CEMIP: variants seen among roughly 807,000 people sequenced by gnomAD.
CEMIP encodes the protein cell migration inducing hyaluronidase 1.
In CEMIP, 105 loss-of-function variants were observed where a neutral mutation model predicts 156.9. The observed-to-expected ratio is 0.67, with a 90% CI of 0.57 to 0.79. The LOEUF (loss-of-function observed/expected upper bound fraction) is 0.79, where lower values mean the gene tolerates loss of function less well. Among genes scored for constraint, CEMIP ranks in the 30% least tolerant of loss-of-function variants. The probability of loss-of-function intolerance (pLI) is 0.00; values close to 1 mark genes in which losing one functional copy is unlikely to be tolerated. For missense variants in CEMIP, 1,457 were observed against 1,769.4 expected (o/e 0.82, Z 3.17); for synonymous variants, 676 against 668.4 (o/e 1.01, Z -0.17).
intron 14 of CEMIP, among the ~76,000 whole-genome samples, chr15:80,911,328 G>C (rs1406102492): frequency 1.3e-5 from 2 of 152,216 alleles, no homozygotes; most frequent in Non-Finnish European, 2.9e-5. Flanking sequence ...AATTGGTTAG[G>C]AAAGATAACA....
chr15:80,842,635 G>A (rs960854523), intron 1 of CEMIP, among the ~76,000 whole-genome samples: 7 of 152,184 alleles, frequency 4.6e-5, no homozygotes, highest in Non-Finnish European at 7.3e-5. Context: ...GGGAGGCTGA[G>A]GCAGGAGAAT....
intron 12 of CEMIP, among the ~76,000 whole-genome samples, chr15:80,900,133 T>G (rs1346865029): frequency 6.6e-6 from 1 of 152,214 alleles, no homozygotes; most frequent in African/African-American, 2.4e-5. Flanking sequence ...GTTCTCACTT[T>G]GAGCAGGTCC....
intron 1 of CEMIP, among the ~76,000 whole-genome samples, chr15:80,848,948 T>C (rs1209711463): frequency 1.9e-5 from 2 of 106,566 alleles, no homozygotes; most frequent in East Asian, 5.3e-4. Flanking sequence ...GGGATCTCTT[T>C]AGAAATTTTT....
chr15:80,948,288 T>G, intron 29 of CEMIP: 1 of 211,176 alleles, frequency 4.7e-6, no homozygotes, highest in Admixed American at 5.2e-5. Context: ...GGTTTAGAGT[T>G]CTAATCTGGG....
chr15:80,793,752 C>T (rs762197738), intron 1 of CEMIP, among the ~76,000 whole-genome samples: 5 of 152,164 alleles, frequency 3.3e-5, no homozygotes, highest in Non-Finnish European at 5.9e-5. Flanking sequence ...ATCTCCCAGA[C>T]GTGTTGGTCT....
chr15:80,819,430 T>C (rs909475849), intron 1 of CEMIP, among the ~76,000 whole-genome samples: 15 of 152,190 alleles, frequency 9.9e-5, no homozygotes, highest in African/African-American at 3.6e-4. Context: ...TATGTTTGCT[T>C]TAATCAGGAT....
At chr15:80,833,721 T>G (rs1596120430) in intron 1 of CEMIP, among the ~76,000 whole-genome samples, 2 of 148,700 alleles carry the variant, frequency 1.3e-5, no homozygotes, top group South Asian at 4.3e-4. Context: ...CAGGCTGGAG[T>G]GCAGTGGCAT....
chr15:80,836,748 T>C (rs1195762189), intron 1 of CEMIP, among the ~76,000 whole-genome samples: 2 of 151,930 alleles, frequency 1.3e-5, no homozygotes, highest in African/African-American at 4.8e-5. Context: ...TTTGGTCTGG[T>C]GTCAGCTTCC....
intron 21 of CEMIP, among the ~76,000 whole-genome samples, chr15:80,929,583 A>G (rs1222283824): frequency 6.6e-6 from 1 of 152,202 alleles, no homozygotes; most frequent in Admixed American, 6.5e-5. Context: ...GGAGGGTGAC[A>G]AAAGCCGAAG....
chr15:80,850,983 T>C (rs761077457), intron 1 of CEMIP, among the ~76,000 whole-genome samples: 4 of 152,118 alleles, frequency 2.6e-5, no homozygotes, highest in Non-Finnish European at 5.9e-5. Context: ...TGGTACTGAG[T>C]AACTTTCACC....
chr15:80,879,001 G>A (rs1898558025), intron 4 of CEMIP, 134 bp downstream of exon 4: 15 of 1,161,082 alleles, frequency 1.3e-5, no homozygotes, highest in East Asian at 2.4e-5. Context: ...GCATTTGGTT[G>A]TCTGAGATAA....
chr15:80,815,120 A>G (rs1896761436), intron 1 of CEMIP, among the ~76,000 whole-genome samples: 1 of 152,262 alleles, frequency 6.6e-6, no homozygotes, highest in Admixed American at 6.5e-5. Flanking sequence ...AACCTGCCAT[A>G]TATACCCTGC....
chr15:80,870,813 G>A (rs940567105), intron 1 of CEMIP, among the ~76,000 whole-genome samples: 3 of 152,144 alleles, frequency 2.0e-5, no homozygotes. Flanking sequence ...GCTGGCTTTC[G>A]GAAAAGGGTG....
At chr15:80,872,305 G>A (rs1159613809) in intron 1 of CEMIP, among the ~76,000 whole-genome samples, 5 of 152,318 alleles carry the variant, frequency 3.3e-5, no homozygotes, top group African/African-American at 4.8e-5. Context: ...CATAGAAGCC[G>A]AAGCTGGCCA....
intron 6 of CEMIP, among the ~76,000 whole-genome samples, chr15:80,883,222 A>T (rs1045369243): frequency 6.6e-6 from 1 of 152,212 alleles, no homozygotes; most frequent in African/African-American, 2.4e-5. Flanking sequence ...TTATCCTTAC[A>T]TGGGGAAGAG....
chr15:80,927,107 G>A (rs961293957), intron 19 of CEMIP, among the ~76,000 whole-genome samples: 1 of 152,238 alleles, frequency 6.6e-6, no homozygotes, highest in Non-Finnish European at 1.5e-5. Context: ...GGGATTACAG[G>A]CGTGAGCCAC....
chr15:80,792,934 C>T (rs1352884689), intron 1 of CEMIP, among the ~76,000 whole-genome samples: 1 of 152,200 alleles, frequency 6.6e-6, no homozygotes, highest in African/African-American at 2.4e-5. Flanking sequence ...TACTTACTAG[C>T]ATTTCCTGAG....
intron 20 of CEMIP, 36 bp from the exon 21 acceptor site, chr15:80,928,982 CT>C (rs1488794248): frequency 6.2e-7 from 1 of 1,614,224 alleles, no homozygotes; most frequent in East Asian, 2.2e-5. Context: ...GGGATCTTGT[CT>C]CTGGGCATCT....
At chr15:80,784,034 G>C (rs536304567) in intron 1 of CEMIP, among the ~76,000 whole-genome samples, 2 of 152,320 alleles carry the variant, frequency 1.3e-5, no homozygotes, top group Admixed American at 6.5e-5. Flanking sequence ...GCCCTGGGGA[G>C]CACAAGCAGT....
Sources: allele counts gnomAD v4.1 joint callset (sites outside exome capture counted in the v4.1 genomes callset), GRCh38; gene constraint gnomAD v4.1.1; transcripts MANE v1.5; gene names NCBI Gene and HGNC (gene_info 2026-07-23, HGNC 2026-07-21).